Variants in CPS1 observed in about 807,000 individuals in gnomAD.
CPS1 encodes the protein carbamoyl-phosphate synthase [ammonia], mitochondrial.
In CPS1, 109 loss-of-function variants were observed where a neutral mutation model predicts 174.6. The observed-to-expected ratio is 0.62, with a 90% CI of 0.53 to 0.73. The LOEUF is 0.73. Ranked by LOEUF, CPS1 falls within the 30% of genes least tolerant of loss-of-function variation. The pLI, the probability that CPS1 is intolerant of heterozygous loss-of-function variation, is 0.00. For missense variants in CPS1, 1,689 were observed against 1,821.9 expected (o/e 0.93, Z 1.33); for synonymous variants, 637 against 632.0 (o/e 1.01, Z -0.12).
At chr2:210,522,701 G>T (rs1279512398) in intron 1 of CPS1, among the ~76,000 whole-genome samples, 1 of 151,808 alleles carries the variant, frequency 6.6e-6, no homozygotes, top group East Asian at 1.9e-4. Flanking sequence ...TCACTTCTTG[G>T]GTTCATGGAC....
rs1326644714 is a variant in CPS1 at position 210,605,190 on chromosome 2, AC to A, written c.1926del (p.Asp642GlufsTer39). 7 of 1,612,172 alleles carry A rather than the reference AC, an allele frequency of 4.3e-6. No individual in the cohort carries two copies. Among genetic ancestry groups the A allele is most frequent in the Non-Finnish European group, 5.9e-6 (7 of 1,178,858 alleles). On this transcript the variant is annotated frameshift_variant, in exon 17 of 38. Coordinates refer to ENST00000233072, the MANE Select transcript of CPS1 (RefSeq NM_001875.5). LOFTEE classifies it high-confidence loss of function. ...TATGAAGTGGTTCGAGATGCTGATG[AC>A]AATTGTGTCACTGTCTGTAACATGG... ...IEYEVVRDAD[D>X]NCVTVCNMEN... is the part of the protein sequence containing the mutation.
intron 1 of CPS1, among the ~76,000 whole-genome samples, chr2:210,542,745 C>T (rs372704373): frequency 9.9e-5 from 15 of 152,172 alleles, no homozygotes; most frequent in Admixed American, 3.3e-4. Flanking sequence ...AAACAACAAA[C>T]GAAACCCTTC....
intron 1 of CPS1, among the ~76,000 whole-genome samples, chr2:210,546,051 A>C (rs1696556706): frequency 6.6e-6 from 1 of 151,994 alleles, no homozygotes; most frequent in East Asian, 1.9e-4. Flanking sequence ...TTTATTGTTC[A>C]ATCTTGAGAG....
chr2:210,645,708 G>A (rs1700357997), intron 25 of CPS1, among the ~76,000 whole-genome samples: 1 of 152,114 alleles, frequency 6.6e-6, no homozygotes, highest in Non-Finnish European at 1.5e-5. Flanking sequence ...CCTTGAACCT[G>A]GGAGGCGGAG....
chr2:210,601,899 C>T (rs1297325030), intron 15 of CPS1, among the ~76,000 whole-genome samples: 1 of 151,844 alleles, frequency 6.6e-6, no homozygotes, highest in Non-Finnish European at 1.5e-5. Context: ...GGCTGCCATT[C>T]TCAAATGAAT....
At chr2:210,528,871 G>A (rs1363341551) in intron 1 of CPS1, among the ~76,000 whole-genome samples, 2 of 135,838 alleles carry the variant, frequency 1.5e-5, no homozygotes, top group African/African-American at 5.5e-5. Context: ...AGGACATTGT[G>A]GCTAGCTGAC....
intron 2 of CPS1, among the ~76,000 whole-genome samples, chr2:210,575,682 G>A (rs1697674149): frequency 6.6e-6 from 1 of 151,982 alleles, no homozygotes; most frequent in Admixed American, 6.6e-5. Context: ...AGTCAAGTCT[G>A]CGAGATGAAT....
chr2:210,602,120 T>G (rs1284507966), intron 15 of CPS1, 82 bp from the exon 16 acceptor site: 3 of 1,564,112 alleles, frequency 1.9e-6, no homozygotes, highest in Admixed American at 3.5e-5. Context: ...TTGGTTTACC[T>G]GATTGCCAGA....
At chr2:210,591,213 C>T (rs1027937855) in intron 9 of CPS1, among the ~76,000 whole-genome samples, 11 of 151,896 alleles carry the variant, frequency 7.2e-5, no homozygotes, top group African/African-American at 2.7e-4. Flanking sequence ...CTTCCCTTGG[C>T]ATAAATTGAG....
At chr2:210,620,335 A>G (rs916130855) in intron 21 of CPS1, among the ~76,000 whole-genome samples, 1 of 152,150 alleles carries the variant, frequency 6.6e-6, no homozygotes, top group Non-Finnish European at 1.5e-5. Flanking sequence ...GTGAGATAGT[A>G]GAAATTATAA....
At chr2:210,658,121 A>G (rs1428706903) in intron 30 of CPS1, 22 of 178,722 alleles carry the variant, frequency 1.2e-4, no homozygotes, top group Admixed American at 1.2e-3. Context: ...CCTTCTGAAC[A>G]TAATATCTAA....
intron 14 of CPS1, among the ~76,000 whole-genome samples, chr2:210,600,195 G>C (rs541927087): frequency 6.6e-6 from 1 of 151,624 alleles, no homozygotes; most frequent in Non-Finnish European, 1.5e-5. Context: ...TTTTAGCCCA[G>C]GTAGGTACTC....
intron 33 of CPS1, among the ~76,000 whole-genome samples, chr2:210,664,310 T>A (rs971055140): frequency 2.6e-5 from 4 of 152,054 alleles, no homozygotes. Context: ...AGAGATCTAT[T>A]TTCCTTCATA....
intron 20 of CPS1, among the ~76,000 whole-genome samples, chr2:210,613,445 C>T (rs1699197192): frequency 6.6e-6 from 1 of 151,700 alleles, no homozygotes; most frequent in Admixed American, 6.6e-5. Context: ...TTTTCTCTGG[C>T]GGTGGCGGGT....
At chr2:210,512,867 T>TATATAGAGAGAGATATATATATATAG (rs1695545706) in intron 1 of CPS1, among the ~76,000 whole-genome samples, 2 of 44,670 alleles carry the variant, frequency 4.5e-5, no homozygotes, top group Non-Finnish European at 9.2e-5. Flanking sequence ...TATATAGATA[T>TATATAGAGAGAGATATATATATATAG]ATATATATAG....
chr2:210,616,753 T>G (rs988258045), intron 21 of CPS1, among the ~76,000 whole-genome samples: 1 of 151,900 alleles, frequency 6.6e-6, no homozygotes, highest in Non-Finnish European at 1.5e-5. Flanking sequence ...ATCTTTTTAA[T>G]CATCTTCTAT....
chr2:210,572,144 T>C (rs935465685), intron 1 of CPS1, among the ~76,000 whole-genome samples: 1 of 151,934 alleles, frequency 6.6e-6, no homozygotes, highest in African/African-American at 2.4e-5. Flanking sequence ...TGACTGCTGA[T>C]TACTTTGAAG....
At chr2:210,537,034 C>T (rs1010053002) in intron 1 of CPS1, among the ~76,000 whole-genome samples, 1 of 152,112 alleles carries the variant, frequency 6.6e-6, no homozygotes, top group South Asian at 2.1e-4. Flanking sequence ...ATAAAGTCCA[C>T]CATTCACTTC....
At chr2:210,484,405 T>C (rs749530410) in intron 1 of CPS1, among the ~76,000 whole-genome samples, 8 of 152,334 alleles carry the variant, frequency 5.3e-5, no homozygotes, top group African/African-American at 1.9e-4. Context: ...GCTTACACTT[T>C]ATCCTAAAGA....
Sources: allele counts gnomAD v4.1 joint callset (sites outside exome capture counted in the v4.1 genomes callset), GRCh38; gene constraint gnomAD v4.1.1; transcripts MANE v1.5; gene names NCBI Gene and HGNC (gene_info 2026-07-23, HGNC 2026-07-21).